Variants in ASAP2 observed in about 807,000 individuals in gnomAD.
ASAP2 encodes arf-GAP with SH3 domain, ANK repeat and PH domain-containing protein 2.
In ASAP2, 45 loss-of-function variants were observed where a neutral mutation model predicts 131.4. That is an observed-to-expected ratio of 0.34 (90% CI 0.27 to 0.44). The LOEUF is 0.44. Ranked by LOEUF, ASAP2 falls within the 20% of genes least tolerant of loss-of-function variation. The probability of loss-of-function intolerance (pLI) is 1.00; values close to 1 mark genes in which losing one functional copy is unlikely to be tolerated. For missense variants in ASAP2, 1,011 were observed against 1,297.0 expected, an observed-to-expected ratio of 0.78 and a Z score of 3.39; for synonymous variants, 510 against 503.0, an observed-to-expected ratio of 1.01 and a Z score of -0.19.
chr2:9,323,767 G>A lies in ASAP2; in HGVS notation c.600+517G>A, dbSNP rs201252471. Among the ~76,000 whole-genome samples, 17 of 152,292 alleles carry A rather than the reference G, an allele frequency of 1.1e-4. No homozygotes were observed. In the East Asian group the frequency reaches 3.3e-3, roughly 30 times the overall value. The stretch of plus-strand genomic sequence containing the variant: ...TCTAGCCCGAAGGCCCAGGTGGCCT[G>A]GGGAGCGCCTCTCTGCTCCACTCCA... On this transcript the variant is annotated intron_variant, in intron 6 of 27. Coordinates refer to ENST00000281419, the MANE Select transcript of ASAP2 (RefSeq NM_003887.3).
intron 3 of ASAP2, among the ~76,000 whole-genome samples, chr2:9,308,115 CAT>C (rs1267733731): frequency 1.3e-5 from 2 of 152,134 alleles, no homozygotes; most frequent in African/African-American, 2.4e-5. Context: ...GACTGGGTAA[CAT>C]ATATATAACA....
At chr2:9,347,981 T>C (rs1672078967) in intron 11 of ASAP2, among the ~76,000 whole-genome samples, 1 of 152,238 alleles carries the variant, frequency 6.6e-6, no homozygotes, top group Admixed American at 6.5e-5. Flanking sequence ...AGCTGTTGCA[T>C]CTTTTTTTTA....
chr2:9,279,436 A>T (rs1309105711), intron 2 of ASAP2, 47 bp downstream of exon 2: 3 of 1,564,694 alleles, frequency 1.9e-6, no homozygotes, highest in Admixed American at 3.3e-5. Context: ...AAAATGTCGC[A>T]TTTGAAGTCC....
intron 1 of ASAP2, chr2:9,271,628 T>C (rs1220756571): frequency 2.0e-6 from 2 of 1,010,812 alleles, no homozygotes; most frequent in Non-Finnish European, 2.9e-6. Flanking sequence ...ATAGTGGACA[T>C]ACGATCCAAT....
At position 9,335,156 on chromosome 2, in the gene ASAP2, G is replaced by A. The variant is rs1051207873; in HGVS notation, c.826G>A (p.Ala276Thr). Residue 276 changes from alanine to threonine, a missense_variant, in exon 9 of 28, where the codon GCA (alanine) becomes ACA (threonine). Ala to Thr is a moderately conservative substitution (Grantham distance 58). Coordinates refer to ENST00000281419, the MANE Select transcript of ASAP2 (RefSeq NM_003887.3). ...ACAGCTTCGAGATATTTTGAAATCC[G>A]CATTGCAGGTTGAACAGAAAGAGGT... Reference protein sequence around the residue: ...LIQLRDILKSALQVEQKEDSQ... With the variant: ...LIQLRDILKSTLQVEQKEDSQ... 5.0e-6 allele frequency: 8 copies of A among 1,614,100 alleles called. No individual in the cohort carries two copies. Among genetic ancestry groups the A allele is most frequent in the East Asian group, 2.2e-5 (1 of 44,880 alleles).
intron 1 of ASAP2, among the ~76,000 whole-genome samples, chr2:9,258,957 G>A (rs1043960216): frequency 1.3e-5 from 2 of 152,088 alleles, no homozygotes; most frequent in Non-Finnish European, 2.9e-5. Flanking sequence ...GATATTCCTC[G>A]GATTGCAGCC....
In ASAP2 at chr2:9,334,923, T is replaced by G. The variant is rs138037452; in HGVS notation, c.762+110T>G. 7 of 1,401,424 alleles carry G rather than the reference T, an allele frequency of 5.0e-6. No individual in the cohort carries two copies. The African/African-American group carries it at 9.9e-5, about 20-fold the overall frequency. 86.8% of individuals were successfully genotyped at this position (1,401,424 alleles called of 1,614,324 possible). A position where few individuals can be genotyped will look rare whatever the true frequency, so the allele number is the denominator to read the frequency against. ...GTGTTTTCATGCCGTGCCGCCCACGTGGAGTGTGGCGTTCCCACGCCTGTC... is the reference window on the plus strand; with the variant it reads ...GTGTTTTCATGCCGTGCCGCCCACGGGGAGTGTGGCGTTCCCACGCCTGTC... On this transcript the variant is annotated intron_variant, in intron 8 of 27. Coordinates refer to ENST00000281419, the MANE Select transcript of ASAP2 (RefSeq NM_003887.3).
intron 1 of ASAP2, among the ~76,000 whole-genome samples, chr2:9,269,505 C>G (rs1352637435): frequency 6.6e-6 from 1 of 152,094 alleles, no homozygotes; most frequent in Non-Finnish European, 1.5e-5. Flanking sequence ...TGTGGGGGAC[C>G]AAGAAGAGGT....
intron 1 of ASAP2, among the ~76,000 whole-genome samples, chr2:9,216,027 G>C (rs996296764): frequency 1.3e-5 from 2 of 152,136 alleles, no homozygotes; most frequent in African/African-American, 2.4e-5. Context: ...ATTCTGAGCT[G>C]GGTAGGTCCT....
intron 1 of ASAP2, among the ~76,000 whole-genome samples, chr2:9,259,162 T>G (rs1665400793): frequency 1.3e-5 from 2 of 152,230 alleles, no homozygotes; most frequent in African/African-American, 4.8e-5. Flanking sequence ...TCTCTTGTTC[T>G]GTTAGCTGGG....
chr2:9,282,448 A>G lies in ASAP2; in HGVS notation c.199+3059A>G, dbSNP rs567770634. Among the ~76,000 whole-genome samples, 6 of 152,370 alleles carry G rather than the reference A, an allele frequency of 3.9e-5. No individual in the cohort carries two copies. The South Asian group carries it at 1.0e-3, about 26-fold the overall frequency. On this transcript the variant is annotated intron_variant, in intron 2 of 27. Transcript: ENST00000281419. Reference sequence around the variant, plus strand: ...ACTCTTTAGAACTGCTTTTAGTAGCACGTTCTTTTGCATATATTTAGTAGA... The same window carrying G: ...ACTCTTTAGAACTGCTTTTAGTAGCGCGTTCTTTTGCATATATTTAGTAGA...
chr2:9,311,805 C>T lies in ASAP2; in HGVS notation c.346-6719C>T, dbSNP rs544658297. ...TGCCGAGAAGCGCGTCTGGCCCCCA[C>T]GCACTTGTTCTCTGGCCCAGACAGA... On this transcript the variant is annotated intron_variant, in intron 3 of 27. Transcript: ENST00000281419. The surrounding 1 kb of genome is among the most constrained non-coding windows in gnomAD (Gnocchi z 5.2). Among the ~76,000 whole-genome samples the T allele has an allele frequency of 5.1e-4, 77 of 152,286 alleles. No homozygotes were observed. Among genetic ancestry groups the T allele is most frequent in the Non-Finnish European group, 9.4e-4 (64 of 68,036 alleles).
chr2:9,336,737 G>GA lies in ASAP2; in HGVS notation c.849+1566dup, dbSNP rs976135458. ...TGATATTCCCAATAAGCAAAAAAAG[G>GA]AAAAAAAACTTGGCGTAAGGAGAAA... is the stretch of plus-strand genomic sequence containing the variant. On this transcript the variant is annotated intron_variant, in intron 9 of 27. Transcript: ENST00000281419. Among the ~76,000 whole-genome samples the GA allele has an allele frequency of 1.4e-4, 22 of 152,074 alleles. 1 individual carries two copies. Among genetic ancestry groups the GA allele is most frequent in the Admixed American group, 1.3e-4 (2 of 15,262 alleles).
At chr2:9,208,026 G>T (rs1661256470) in intron 1 of ASAP2, among the ~76,000 whole-genome samples, 1 of 152,206 alleles carries the variant, frequency 6.6e-6, no homozygotes, top group Non-Finnish European at 1.5e-5. Context: ...AAGCTTGGTT[G>T]AAAATTAAAG....
In ASAP2 at chr2:9,403,723, G is replaced by A. The variant is rs11537589; in HGVS notation, c.*396G>A. 26,935 of 170,368 alleles carry A rather than the reference G, an allele frequency of 0.16. 2,529 individuals are homozygous for A. Among genetic ancestry groups the A allele is most frequent in the Middle Eastern group, 0.26 (92 of 358 alleles). 10.6% of individuals were successfully genotyped at this position (170,368 alleles called of 1,614,324 possible). On this transcript the variant is annotated 3_prime_UTR_variant, in exon 28 of 28. Coordinates refer to ENST00000281419, the MANE Select transcript of ASAP2 (RefSeq NM_003887.3). ...CTTTATCACAATTATTATTTTAGGCGGCCAGTGAACTGCTGCTTCAGAAGT... is the reference window on the plus strand; with the variant it reads ...CTTTATCACAATTATTATTTTAGGCAGCCAGTGAACTGCTGCTTCAGAAGT...
At position 9,221,283 on chromosome 2, in the gene ASAP2, A is replaced by G. The variant is rs140680943; in HGVS notation, c.126+14053A>G. ...TTAACAATCTATCATAACCTCTTCTATCTATGAACTTGGAAGTTTTTTTCA... is the reference window on the plus strand; with the variant it reads ...TTAACAATCTATCATAACCTCTTCTGTCTATGAACTTGGAAGTTTTTTTCA... On this transcript the variant is annotated intron_variant, in intron 1 of 27. Coordinates refer to ENST00000281419, the MANE Select transcript of ASAP2 (RefSeq NM_003887.3). Among the ~76,000 whole-genome samples, 343 of 150,116 alleles carry G rather than the reference A, an allele frequency of 2.3e-3. 9 individuals carry two copies. The East Asian group carries it at 0.027, about 12-fold the overall frequency.
intron 3 of ASAP2, among the ~76,000 whole-genome samples, chr2:9,316,360 T>A (rs555350975): frequency 6.6e-6 from 1 of 152,310 alleles, no homozygotes; most frequent in South Asian, 2.1e-4. Context: ...GGATGCCATA[T>A]TGCTTTAAAA....
chr2:9,365,291 C>G (rs886235548), intron 15 of ASAP2, among the ~76,000 whole-genome samples: 6 of 152,140 alleles, frequency 3.9e-5, no homozygotes, highest in Non-Finnish European at 5.9e-5. Context: ...CTCTTCAGGC[C>G]CTCCACCCTT....
intron 3 of ASAP2, among the ~76,000 whole-genome samples, chr2:9,309,271 T>G (rs929368116): frequency 6.6e-6 from 1 of 152,190 alleles, no homozygotes; most frequent in Admixed American, 6.5e-5. Flanking sequence ...AGCCATATGA[T>G]GGAACAGTGC....
Sources: allele counts gnomAD v4.1 joint callset (sites outside exome capture counted in the v4.1 genomes callset), GRCh38; gene constraint gnomAD v4.1.1; non-coding constraint Gnocchi (gnomAD v3.1); transcripts MANE v1.5; gene names NCBI Gene and HGNC (gene_info 2026-07-23, HGNC 2026-07-21).